Variants in CDHR4 observed in about 807,000 individuals in gnomAD.
CDHR4 encodes the protein cadherin related family member 4.
A neutral mutation model predicts 88.4 loss-of-function variants in CDHR4; 89 were observed. The observed-to-expected ratio is 1.01, with a 90% confidence interval of 0.85 to 1.20. The LOEUF is 1.20. Ranked by LOEUF, CDHR4 falls within the 50% of genes most tolerant of loss-of-function variation. The probability of loss-of-function intolerance (pLI) is 0.00; values close to 1 mark genes in which losing one functional copy is unlikely to be tolerated. For missense variants in CDHR4, 914 were observed against 1,007.2 expected, an observed-to-expected ratio of 0.91 and a Z score of 1.25; for synonymous variants, 368 against 399.2, an observed-to-expected ratio of 0.92 and a Z score of 0.93.
Position 49,793,239 on chromosome 3 carries a change from T to C in CDHR4, c.1696A>G (p.Ser566Gly), listed in dbSNP as rs1170995893. 1 of 1,551,686 alleles carries C rather than the reference T, an allele frequency of 6.4e-7. No homozygotes were observed. The highest frequency in any genetic ancestry group is 8.7e-7 in the Non-Finnish European group (1 of 1,147,002). ...CATGACATCTTGGTCACCTCCACGC[T>C]ACGGCCCAGAGGAGCATAGATGGTG... is the stretch of plus-strand genomic sequence containing the variant. ...ELTIYAPLGR[S>G]VEVTKMSCQI... is the part of the protein sequence containing the mutation. The change falls in exon 13 of 19, where the codon AGC becomes GGC. Residue 566 changes from serine (S) to glycine (G), a missense_variant. Ser to Gly is a moderately conservative substitution (Grantham distance 56). Coordinates refer to ENST00000412678, the MANE Select transcript of CDHR4 (RefSeq NM_001007540.4).
intron 12 of CDHR4, 42 bp from the exon 13 acceptor site, chr3:49,793,353 C>T (rs1346619205): frequency 1.3e-6 from 2 of 1,541,220 alleles, no homozygotes; most frequent in Non-Finnish European, 1.8e-6. Context: ...GAACCCACCC[C>T]CTAAACCTCT....
Position 49,799,380 on chromosome 3 carries a change from A to T in CDHR4, c.107T>A (p.Val36Asp), listed in dbSNP as rs1245697849. 1 of 1,611,544 alleles carries T rather than the reference A, an allele frequency of 6.2e-7. No homozygotes were observed. The highest frequency in any genetic ancestry group is 1.7e-5 in the Admixed American group (1 of 59,546). Residue 36 changes from valine (V) to aspartate (D), a missense_variant, in exon 2 of 19, where the codon GTC (valine) becomes GAC (aspartate). By Grantham distance (152) the Val-to-Asp change is radical. Transcript: ENST00000412678. ...GCAGTTGAAGGATAAAAACTGAAGG[A>T]CTGTGCCAGGGCCCTGGCTCTCAGA... is the stretch of plus-strand genomic sequence containing the variant. Reference protein sequence around the residue: ...NVSESQGPGTVLQFLSFNCSS... With the variant: ...NVSESQGPGTDLQFLSFNCSS...
chr3:49,802,598 G>A (rs2081376601), upstream of CDHR4, among the ~76,000 whole-genome samples: 1 of 152,240 alleles, frequency 6.6e-6, no homozygotes, highest in South Asian at 2.1e-4. Flanking sequence ...TCTGTCTGCA[G>A]CTACACTACC....
At chr3:49,796,519 TAG>T (rs1172586486) in intron 5 of CDHR4, among the ~76,000 whole-genome samples, 1 of 152,202 alleles carries the variant, frequency 6.6e-6, no homozygotes, top group African/African-American at 2.4e-5. Context: ...GTATTTTTAG[TAG>T]AGACGGGGTT....
At chr3:49,794,422 G>A (rs1023314275) in intron 10 of CDHR4, among the ~76,000 whole-genome samples, 186 bp downstream of exon 10, 1 of 151,932 alleles carries the variant, frequency 6.6e-6, no homozygotes, top group African/African-American at 2.4e-5. Flanking sequence ...AGAGTGAGAG[G>A]GTCTAAAGGG....
At position 49,796,009 on chromosome 3, in the gene CDHR4, C is replaced by G; in HGVS notation, c.644G>C (p.Arg215Thr). 6.5e-7 allele frequency: 1 copy of G among 1,543,124 alleles called. No homozygotes were observed. The highest frequency in any genetic ancestry group is 8.7e-7 in the Non-Finnish European group (1 of 1,143,618). Residue 215 changes from arginine to threonine, a missense_variant, in exon 6 of 19, where the codon AGG becomes ACG. Transcript: ENST00000412678. ...QLQISVSFGQRQSCQGMVIVK... is the reference protein window; with the variant it reads ...QLQISVSFGQTQSCQGMVIVK... ...TATCACCATCCCTTGGCAGCTTTGC[C>G]TTTGTCCAAAGGACACTGAGATTTG... is the stretch of plus-strand genomic sequence containing the variant.
chr3:49,798,771 C>T (rs755262538), intron 4 of CDHR4, 55 bp downstream of exon 4: 1 of 1,544,900 alleles, frequency 6.5e-7, no homozygotes, highest in Non-Finnish European at 8.9e-7. Context: ...TTAATTTATT[C>T]TCTCCATCCC....
chr3:49,798,959 C>T (rs1364350102), intron 3 of CDHR4, 35 bp downstream of exon 3: 5 of 1,610,776 alleles, frequency 3.1e-6, no homozygotes, highest in Middle Eastern at 1.7e-4. Context: ...TCAGGCCATG[C>T]CTGCCCCCAC....
At position 49,799,289 on chromosome 3, in the gene CDHR4, G is replaced by C; in HGVS notation, c.198C>G (p.Asn66Lys). Residue 66 changes from asparagine to lysine, a missense_variant, in exon 2 of 19, where the codon AAC (asparagine) becomes AAG (lysine). By Grantham distance (94) the Asn-to-Lys change is moderately conservative. Coordinates refer to ENST00000412678, the MANE Select transcript of CDHR4 (RefSeq NM_001007540.4). Reference sequence around the variant, plus strand: ...CTTGCCACCTGGCCAAGCTGGGTGGGTTGAAGAAGGTGGTGGGTGGCTGGA... The same window carrying C: ...CTTGCCACCTGGCCAAGCTGGGTGGCTTGAAGAAGGTGGTGGGTGGCTGGA... ...LNVQPPTTFF[N>K]PPSLARWQGT... The C allele has an allele frequency of 6.2e-7, 1 of 1,613,896 alleles. No individual in the cohort carries two copies. Among genetic ancestry groups the C allele is most frequent in the Non-Finnish European group, 8.5e-7 (1 of 1,179,794 alleles).
Position 49,795,711 on chromosome 3 carries a change from A to G in CDHR4, c.764T>C (p.Val255Ala). ...IPENLAPGSEVVQVQARGVDL... is the reference protein window; with the variant it reads ...IPENLAPGSEAVQVQARGVDL... ...GACACCCCGGGCCTGGACCTGAACC[A>G]CCTCACTACCGGGGGCCAGATTCTC... The change falls in exon 7 of 19, where the codon GTG (valine) becomes GCG (alanine). Residue 255 changes from valine to alanine, a missense_variant. Physicochemically the swap from Val to Ala is moderately conservative, Grantham distance 64. Transcript: ENST00000412678. This position sits in a 1 kb window ranked among gnomAD's most constrained non-coding sequence, Gnocchi z 5.4. The G allele has an allele frequency of 6.4e-7, 1 of 1,551,402 alleles. No individual in the cohort carries two copies. The highest frequency in any genetic ancestry group is 8.7e-7 in the Non-Finnish European group (1 of 1,146,926).
At chr3:49,794,127 G>A (rs1322323114) in intron 10 of CDHR4, 121 bp from the exon 11 acceptor site, 2 of 965,144 alleles carry the variant, frequency 2.1e-6, no homozygotes, top group East Asian at 2.6e-5. Context: ...TGCTGGGCGT[G>A]GTGGCTCACG....
At chr3:49,794,788 C>A in intron 9 of CDHR4, 87 bp from the exon 10 acceptor site, 1 of 1,427,978 alleles carries the variant, frequency 7.0e-7, no homozygotes. Context: ...AGGGCATCCA[C>A]AAATATCTTG....
chr3:49,797,870 A>C (rs1329397518), intron 4 of CDHR4, among the ~76,000 whole-genome samples: 1 of 149,594 alleles, frequency 6.7e-6, no homozygotes, highest in Non-Finnish European at 1.5e-5. Context: ...GCAGTCCTCA[A>C]TCCTTTTTGC....
chr3:49,793,054 T>A lies in CDHR4; in HGVS notation c.1795A>T (p.Ile599Phe), dbSNP rs2081206125. 6.4e-7 allele frequency: 1 copy of A among 1,551,470 alleles called. No homozygotes were observed. The highest frequency in any genetic ancestry group is 8.7e-7 in the Non-Finnish European group (1 of 1,146,996). ...IVGGNSQNRF[I>F]LQGAILVHSD... Reference sequence around the variant, plus strand: ...TGCACCAGGATGGCCCCTTGCAGGATGAATCGGTTCTGGCTATTCCCTGAA... The same window carrying A: ...TGCACCAGGATGGCCCCTTGCAGGAAGAATCGGTTCTGGCTATTCCCTGAA... Residue 599 changes from isoleucine to phenylalanine, a missense_variant, in exon 14 of 19, where the codon ATC (isoleucine) becomes TTC (phenylalanine). Coordinates refer to ENST00000412678, the MANE Select transcript of CDHR4 (RefSeq NM_001007540.4).
Position 49,798,876 on chromosome 3 carries a change from C to T in CDHR4, c.445G>A (p.Ala149Thr). ...IQVPETVTPG[A>T]RLYTLLLPGL... ...GGGAGGAGCAGAGTGTACAGCCGAG[C>T]CCCAGGTGTGACTGTCTCTGGCACC... is the stretch of plus-strand genomic sequence containing the variant. The change falls in exon 4 of 19, where the codon GCT becomes ACT. Residue 149 changes from alanine (A) to threonine (T), a missense_variant. Transcript: ENST00000412678. 2 of 1,613,908 alleles carry T rather than the reference C, an allele frequency of 1.2e-6. No homozygotes were observed. Among genetic ancestry groups the T allele is most frequent in the Non-Finnish European group, 1.7e-6 (2 of 1,179,872 alleles).
chr3:49,794,822 C>T, intron 9 of CDHR4, 121 bp from the exon 10 acceptor site: 1 of 1,444,434 alleles, frequency 6.9e-7, no homozygotes, highest in Non-Finnish European at 9.4e-7. Context: ...TTCCAGACTG[C>T]AACACAGGTT....
In CDHR4 at chr3:49,799,401, T is replaced by C. The variant is rs1163338295; in HGVS notation, c.86A>G (p.Glu29Gly). ...CSLPCFINVS[E>G]SQGPGTVLQF... ...AAGGACTGTGCCAGGGCCCTGGCTCTCAGAGACATTTATAAAGCAGGGCAG... is the reference window on the plus strand; with the variant it reads ...AAGGACTGTGCCAGGGCCCTGGCTCCCAGAGACATTTATAAAGCAGGGCAG... Residue 29 changes from glutamate (E) to glycine (G), a missense_variant, in exon 2 of 19, where the codon GAG becomes GGG. By Grantham distance (98) the Glu-to-Gly change is moderately conservative (BLOSUM62 -2). Coordinates refer to ENST00000412678, the MANE Select transcript of CDHR4 (RefSeq NM_001007540.4). The C allele has an allele frequency of 5.6e-6, 9 of 1,607,946 alleles. No individual in the cohort carries two copies. In the African/African-American group the frequency reaches 8.0e-5, roughly 14 times the overall value.
intron 15 of CDHR4, 86 bp from the exon 16 acceptor site, chr3:49,792,045 A>G: frequency 2.2e-6 from 3 of 1,345,408 alleles, no homozygotes; most frequent in Non-Finnish European, 3.1e-6. Flanking sequence ...ATTCCTTTAT[A>G]TTGGGAACAA....
At chr3:49,800,212 G>A (rs1051052348), upstream of CDHR4, among the ~76,000 whole-genome samples, 1 of 152,074 alleles carries the variant, frequency 6.6e-6, no homozygotes, top group Non-Finnish European at 1.5e-5. Context: ...TATAAAAAAT[G>A]AGCCCAACCG....
Sources: gnomAD v4.1 joint callset for allele counts (sites outside exome capture counted in the v4.1 genomes callset) on GRCh38, gnomAD v4.1.1 for gene constraint, Gnocchi (gnomAD v3.1) non-coding constraint, MANE v1.5 for transcripts, NCBI Gene and HGNC (gene_info 2026-07-23, HGNC 2026-07-21) for gene names.